The following TNRC6A variants were observed in gnomAD, a reference collection of about 807,000 sequenced individuals.
TNRC6A encodes trinucleotide repeat-containing gene 6A protein.
A neutral mutation model predicts 221.2 loss-of-function variants in TNRC6A; 44 were observed. The observed-to-expected ratio is 0.20, with a 90% CI of 0.16 to 0.26. The LOEUF (loss-of-function observed/expected upper bound fraction) is 0.26, where lower values mean the gene tolerates loss of function less well. Among genes scored for constraint, TNRC6A ranks in the 10% least tolerant of loss-of-function variants. The pLI, the probability that TNRC6A is intolerant of heterozygous loss-of-function variation, is 1.00. For missense variants in TNRC6A, 2,199 were observed against 2,404.4 expected (o/e 0.91, Z 1.79); for synonymous variants, 847 against 838.5 (o/e 1.01, Z -0.18).
intron 2 of TNRC6A, among the ~76,000 whole-genome samples, chr16:24,722,182 G>A (rs1362905171): frequency 1.3e-5 from 2 of 152,158 alleles, no homozygotes; most frequent in Non-Finnish European, 2.9e-5. Context: ...AGGCCAAGGT[G>A]GGAGGATCAC....
At chr16:24,735,008 G>A (rs776617979) in intron 2 of TNRC6A, among the ~76,000 whole-genome samples, 10 of 152,228 alleles carry the variant, frequency 6.6e-5, no homozygotes, top group Non-Finnish European at 1.2e-4. Context: ...CTGGCCAGGT[G>A]CAGTGGCTCA....
At chr16:24,786,025 G>T (rs1010534921) in intron 5 of TNRC6A, among the ~76,000 whole-genome samples, 1 of 152,130 alleles carries the variant, frequency 6.6e-6, no homozygotes, top group Admixed American at 6.5e-5. Flanking sequence ...TTTTTGCCCC[G>T]TTTGGGAGGA....
intron 2 of TNRC6A, among the ~76,000 whole-genome samples, chr16:24,731,839 G>C (rs892139476): frequency 6.6e-6 from 1 of 152,218 alleles, no homozygotes; most frequent in African/African-American, 2.4e-5. Context: ...ATATGACCTT[G>C]ACTCTTGGCA....
intron 5 of TNRC6A, among the ~76,000 whole-genome samples, chr16:24,786,393 T>C (rs1421772841): frequency 6.6e-6 from 1 of 152,064 alleles, no homozygotes; most frequent in Non-Finnish European, 1.5e-5. Flanking sequence ...TGGCACGATC[T>C]TGGCTCACTG....
intron 2 of TNRC6A, among the ~76,000 whole-genome samples, chr16:24,669,527 G>A (rs1213756846): frequency 2.0e-5 from 3 of 151,720 alleles, no homozygotes; most frequent in Non-Finnish European, 2.9e-5. Flanking sequence ...GGATTCCCTG[G>A]TTGTTTGTTG....
chr16:24,698,375 C>T (rs534319999), intron 2 of TNRC6A, among the ~76,000 whole-genome samples: 162 of 152,160 alleles, frequency 1.1e-3, no homozygotes, highest in Middle Eastern at 3.4e-3. Flanking sequence ...CCATTTGAGG[C>T]ACCAGCAGTA....
At chr16:24,651,021 C>T (rs1485049548) in intron 2 of TNRC6A, among the ~76,000 whole-genome samples, 2 of 151,168 alleles carry the variant, frequency 1.3e-5, no homozygotes, top group African/African-American at 2.4e-5. Context: ...CCGTGTAGAT[C>T]TATCAAACAA....
At chr16:24,643,155 C>T (rs1487662695) in intron 2 of TNRC6A, among the ~76,000 whole-genome samples, 1 of 142,376 alleles carries the variant, frequency 7.0e-6, no homozygotes, top group African/African-American at 2.6e-5. Flanking sequence ...CCATCCCATT[C>T]ATGGGAACCC....
At chr16:24,727,284 C>G (rs1453344587), upstream of TNRC6A, among the ~76,000 whole-genome samples, 1 of 152,172 alleles carries the variant, frequency 6.6e-6, no homozygotes. Flanking sequence ...CCACTTCGGC[C>G]TCCCAAAGTG....
At chr16:24,792,715 A>G (rs1212736312) in intron 6 of TNRC6A, among the ~76,000 whole-genome samples, 1 of 138,826 alleles carries the variant, frequency 7.2e-6, no homozygotes, top group Non-Finnish European at 1.5e-5. Context: ...TAGGTGACCC[A>G]TTATTGTTAG....
intron 2 of TNRC6A, among the ~76,000 whole-genome samples, chr16:24,659,334 TTC>T (rs2054980377): frequency 6.6e-6 from 1 of 152,168 alleles, no homozygotes; most frequent in Non-Finnish European, 1.5e-5. Flanking sequence ...CATTTTGTTA[TTC>T]AAGATGTTGA....
rs1349402290 is a variant in TNRC6A at position 24,824,884 on chromosome 16, A to G, written c.*1077A>G. On this transcript the variant is annotated 3_prime_UTR_variant, in exon 25 of 25. Coordinates refer to ENST00000395799, the MANE Select transcript of TNRC6A (RefSeq NM_014494.4). ...AAAGAATTTTCTCTGCCAAAAAAAA[A>G]GAAAAAACAAAAAAACGCTTAAAGC... is the stretch of plus-strand genomic sequence containing the variant. 6 of 152,558 alleles carry G rather than the reference A, an allele frequency of 3.9e-5. No individual in the cohort carries two copies. Among genetic ancestry groups the G allele is most frequent in the African/African-American group, 1.4e-4 (6 of 41,446 alleles). The allele number at this position is 152,558 out of a possible 1,614,324, so 9.5% of individuals were successfully genotyped here.
chr16:24,824,374 G>T lies in TNRC6A; in HGVS notation c.*567G>T, dbSNP rs1765295409. The T allele has an allele frequency of 6.6e-6, 1 of 152,434 alleles. No individual in the cohort carries two copies. Among genetic ancestry groups the T allele is most frequent in the African/African-American group, 2.4e-5 (1 of 41,348 alleles). 9.4% of individuals were successfully genotyped at this position (152,434 alleles called of 1,614,324 possible). A position where few individuals can be genotyped will look rare whatever the true frequency, so the allele number is the denominator to read the frequency against. ...AGATCAAGTTAGGATGCTGACTTAG[G>T]ATTATTAATGAAAGTGTTGCACCAG... On this transcript the variant is annotated 3_prime_UTR_variant, in exon 25 of 25. Coordinates refer to ENST00000395799, the MANE Select transcript of TNRC6A (RefSeq NM_014494.4).
intron 2 of TNRC6A, among the ~76,000 whole-genome samples, chr16:24,666,285 A>G (rs1445089993): frequency 2.0e-5 from 3 of 152,006 alleles, no homozygotes; most frequent in Non-Finnish European, 4.4e-5. Context: ...TGGCTAACAC[A>G]GTGAAACCCC....
chr16:24,657,718 A>T (rs990136552), intron 2 of TNRC6A, among the ~76,000 whole-genome samples: 5 of 151,902 alleles, frequency 3.3e-5, no homozygotes, highest in Non-Finnish European at 7.4e-5. Context: ...CAAAAAAAAA[A>T]AAAAAATGGA....
intron 1 of TNRC6A, among the ~76,000 whole-genome samples, chr16:24,614,242 C>G (rs1596534656): frequency 6.6e-6 from 1 of 152,352 alleles, no homozygotes; most frequent in Non-Finnish European, 1.5e-5. Context: ...AGTACACAAG[C>G]ATTGTTCAAG....
intron 11 of TNRC6A, among the ~76,000 whole-genome samples, chr16:24,799,729 C>G (rs189919287): frequency 1.7e-4 from 26 of 152,322 alleles, no homozygotes; most frequent in Middle Eastern, 3.4e-3. Flanking sequence ...CTGTGCCTTC[C>G]TCCCTTCACT....
chr16:24,728,942 A>C (rs1038024285), upstream of TNRC6A, among the ~76,000 whole-genome samples: 1 of 151,724 alleles, frequency 6.6e-6, no homozygotes. Context: ...GTCCTAATAC[A>C]TGCCAGTAGC....
intron 4 of TNRC6A, chr16:24,776,494 A>G: frequency 1.0e-6 from 1 of 985,458 alleles, no homozygotes. Flanking sequence ...AAAGATGAAA[A>G]ATAGAGACCA....
Sources: allele counts gnomAD v4.1 joint callset (sites outside exome capture counted in the v4.1 genomes callset), GRCh38; gene constraint gnomAD v4.1.1; transcripts MANE v1.5; gene names NCBI Gene and HGNC (gene_info 2026-07-23, HGNC 2026-07-21).